The following REEP1 variants were observed in gnomAD, a reference collection of about 807,000 sequenced individuals.
REEP1 encodes the protein receptor accessory protein 1.
A neutral mutation model predicts 40.3 loss-of-function variants in REEP1; 22 were observed. The ratio of observed to expected loss-of-function variants is 0.55; its 90% confidence interval spans 0.39 to 0.78. The LOEUF is 0.78. Among genes scored for constraint, REEP1 ranks in the 30% least tolerant of loss-of-function variants. The pLI, the probability that REEP1 is intolerant of heterozygous loss-of-function variation, is 0.00. For missense variants in REEP1, 280 were observed against 361.1 expected, an observed-to-expected ratio of 0.78 and a Z score of 1.82; for synonymous variants, 116 against 139.2, an observed-to-expected ratio of 0.83 and a Z score of 1.17.
chr2:86,223,088 G>C (rs561390557), intron 7 of REEP1, among the ~76,000 whole-genome samples: 1 of 152,362 alleles, frequency 6.6e-6, no homozygotes, highest in Non-Finnish European at 1.5e-5. Context: ...AGGTGATGGT[G>C]GCCACGGCCT....
chr2:86,265,811 G>A (rs141638640), intron 2 of REEP1, among the ~76,000 whole-genome samples: 291 of 152,112 alleles, frequency 1.9e-3, no homozygotes, highest in African/African-American at 6.7e-3. Context: ...AGGGGATGAG[G>A]GATGAGAAAC....
intron 2 of REEP1, among the ~76,000 whole-genome samples, chr2:86,265,962 T>C (rs1303533959): frequency 6.6e-6 from 1 of 152,164 alleles, no homozygotes. Flanking sequence ...GAAAAATGTA[T>C]AAAATATCTG....
intron 1 of REEP1, among the ~76,000 whole-genome samples, chr2:86,311,549 C>T (rs533747977): frequency 5.3e-5 from 8 of 152,232 alleles, no homozygotes; most frequent in Admixed American, 2.0e-4. Context: ...TGGAGTTCCT[C>T]GGCCTGGACG....
intron 5 of REEP1, among the ~76,000 whole-genome samples, chr2:86,246,873 G>C (rs896007659): frequency 2.2e-4 from 33 of 151,736 alleles, no homozygotes; most frequent in African/African-American, 7.8e-4. Flanking sequence ...GGCTAATTTT[G>C]TATTTTCAGT....
At chr2:86,287,296 G>T (rs1678446251) in intron 1 of REEP1, among the ~76,000 whole-genome samples, 1 of 151,970 alleles carries the variant, frequency 6.6e-6, no homozygotes, top group African/African-American at 2.4e-5. Flanking sequence ...CCACATTGTC[G>T]AGGCTGGTCT....
intron 7 of REEP1, among the ~76,000 whole-genome samples, chr2:86,221,327 TTGGTTCAGACTGGGCCTTAG>T (rs1674417348): frequency 6.6e-6 from 1 of 152,210 alleles, no homozygotes; most frequent in African/African-American, 2.4e-5. Flanking sequence ...TGGGGTGTGA[TTGGTTCAGACTGGGCCTTAG>T]TAAGTAAAGT....
rs1674004277 is a variant in REEP1 at position 86,214,600 on chromosome 2, A to G, written c.*2439T>C. The G allele has an allele frequency of 6.6e-6, 1 of 152,644 alleles. No individual in the cohort carries two copies. Among genetic ancestry groups the G allele is most frequent in the African/African-American group, 2.4e-5 (1 of 41,450 alleles). The allele number at this position is 152,644 out of a possible 1,614,324, so 9.5% of individuals were successfully genotyped here. On this transcript the variant is annotated 3_prime_UTR_variant, in exon 9 of 9. Coordinates refer to ENST00000538924, the MANE Select transcript of REEP1 (RefSeq NM_001371279.1). ...CAGAACACCACACCACTACATGTAC[A>G]CTTACAGGCTTTCACATTTTATGTC...
intron 5 of REEP1, among the ~76,000 whole-genome samples, chr2:86,242,836 C>T (rs1675736278): frequency 6.6e-6 from 1 of 151,862 alleles, no homozygotes; most frequent in South Asian, 2.1e-4. Context: ...GGAGGAAGGC[C>T]CAAATGCAGA....
At chr2:86,272,951 C>A (rs1677538521) in intron 2 of REEP1, among the ~76,000 whole-genome samples, 1 of 152,032 alleles carries the variant, frequency 6.6e-6, no homozygotes, top group Non-Finnish European at 1.5e-5. Context: ...GGTGAAACCC[C>A]GTCTCTATAA....
intron 1 of REEP1, among the ~76,000 whole-genome samples, chr2:86,297,225 G>A (rs1558922260): frequency 1.3e-5 from 2 of 152,180 alleles, no homozygotes; most frequent in Non-Finnish European, 2.9e-5. Flanking sequence ...GCCACTCCAA[G>A]CTGCACCATG....
At chr2:86,318,589 G>C (rs957013406) in intron 1 of REEP1, among the ~76,000 whole-genome samples, 1 of 151,766 alleles carries the variant, frequency 6.6e-6, no homozygotes, top group African/African-American at 2.4e-5. Flanking sequence ...GTAGAGACGG[G>C]GTTTCACCAT....
At chr2:86,267,147 T>C (rs11691726) in intron 2 of REEP1, among the ~76,000 whole-genome samples, 75,534 of 151,936 alleles carry the variant, frequency 0.5, 18,854 homozygotes, top group East Asian at 0.65. Context: ...GGATGTGTGG[T>C]TGTGTCCCCA....
At chr2:86,330,463 T>TGTGTG (rs1680717563) in intron 1 of REEP1, among the ~76,000 whole-genome samples, 3 of 102,352 alleles carry the variant, frequency 2.9e-5, no homozygotes, top group Non-Finnish European at 4.5e-5. Context: ...GTGTGTGTGT[T>TGTGTG]AAGACAGGGT....
chr2:86,303,942 G>A (rs1679370257), intron 1 of REEP1, among the ~76,000 whole-genome samples: 2 of 152,190 alleles, frequency 1.3e-5, no homozygotes, highest in Admixed American at 1.3e-4. Context: ...GTGAGAAGAG[G>A]AGGAAAAACT....
At chr2:86,322,393 G>A (rs917748693) in intron 1 of REEP1, among the ~76,000 whole-genome samples, 1 of 151,870 alleles carries the variant, frequency 6.6e-6, no homozygotes, top group Non-Finnish European at 1.5e-5. Context: ...ATAAAAGATT[G>A]TTTTTTTGAC....
At chr2:86,314,893 G>A (rs1397648196) in intron 1 of REEP1, among the ~76,000 whole-genome samples, 1 of 151,746 alleles carries the variant, frequency 6.6e-6, no homozygotes, top group African/African-American at 2.4e-5. Context: ...AGGTCTCACT[G>A]TGTTGCCCAG....
At chr2:86,331,681 G>A (rs1222197940) in intron 1 of REEP1, among the ~76,000 whole-genome samples, 2 of 152,186 alleles carry the variant, frequency 1.3e-5, no homozygotes, top group Non-Finnish European at 2.9e-5. Context: ...CAAGGCCACG[G>A]GGAGAGGGAG....
At chr2:86,256,361 A>G (rs1347199208) in intron 3 of REEP1, among the ~76,000 whole-genome samples, 1 of 151,646 alleles carries the variant, frequency 6.6e-6, no homozygotes, top group Non-Finnish European at 1.5e-5. Flanking sequence ...AAAAAAAAAA[A>G]AAAAAGAACT....
intron 5 of REEP1, among the ~76,000 whole-genome samples, chr2:86,250,308 C>A (rs115351262): frequency 0.013 from 1,929 of 152,250 alleles, 46 homozygotes; most frequent in African/African-American, 0.043. Context: ...AGAGCAGCAG[C>A]CTGTTTTCCT....
Sources: gnomAD v4.1 joint callset for allele counts (sites outside exome capture counted in the v4.1 genomes callset) on GRCh38, gnomAD v4.1.1 for gene constraint, MANE v1.5 for transcripts, NCBI Gene and HGNC (gene_info 2026-07-23, HGNC 2026-07-21) for gene names.